The following STAG1 variants were observed in gnomAD, a reference collection of about 807,000 sequenced individuals.
STAG1 encodes the protein cohesin subunit SA-1.
A neutral mutation model predicts 170.9 loss-of-function variants in STAG1; 26 were observed. That is an observed-to-expected ratio of 0.15 (90% confidence interval 0.11 to 0.21). The LOEUF (loss-of-function observed/expected upper bound fraction) is 0.21, where lower values mean the gene tolerates loss of function less well. STAG1 is among the 10% of genes least tolerant of loss of function. STAG1 has a pLI of 1.00. For missense variants in STAG1, 964 were observed against 1,509.5 expected (o/e 0.64, Z 5.99); for synonymous variants, 514 against 497.7 (o/e 1.03, Z -0.44).
chr3:136,659,387 T>C (rs1056221147), intron 1 of STAG1, among the ~76,000 whole-genome samples: 1 of 152,196 alleles, frequency 6.6e-6, no homozygotes, highest in African/African-American at 2.4e-5. Flanking sequence ...CCCTCTTTCA[T>C]TTGCTCAATT....
At chr3:136,456,523 C>A (rs887099401) in intron 13 of STAG1, among the ~76,000 whole-genome samples, 3 of 152,090 alleles carry the variant, frequency 2.0e-5, no homozygotes, top group Non-Finnish European at 4.4e-5. Context: ...CACGTTCAAG[C>A]AAACTAACTT....
intron 10 of STAG1, among the ~76,000 whole-genome samples, chr3:136,474,071 T>C (rs750879779): frequency 6.6e-6 from 1 of 152,230 alleles, no homozygotes. Flanking sequence ...TCAATTTATA[T>C]TCCAGGGACA....
At chr3:136,393,064 G>C (rs1047732993) in intron 22 of STAG1, among the ~76,000 whole-genome samples, 3 of 152,084 alleles carry the variant, frequency 2.0e-5, no homozygotes, top group Non-Finnish European at 4.4e-5. Flanking sequence ...TGGCTGGCTT[G>C]CTCCCTCACT....
chr3:136,608,188 CAG>C, intron 3 of STAG1, among the ~76,000 whole-genome samples: 1 of 150,988 alleles, frequency 6.6e-6, no homozygotes, highest in African/African-American at 2.4e-5. Flanking sequence ...ACCTAGGAGG[CAG>C]AGAGGTTGCA....
intron 16 of STAG1, among the ~76,000 whole-genome samples, chr3:136,430,810 C>CACAA (rs1189079894): frequency 1.4e-5 from 1 of 69,528 alleles, no homozygotes; most frequent in African/African-American, 5.4e-5. Context: ...TAGACAGACA[C>CACAA]ACACACACAC....
chr3:136,614,865 AC>A (rs1182876779), intron 3 of STAG1, among the ~76,000 whole-genome samples: 1 of 152,166 alleles, frequency 6.6e-6, no homozygotes, highest in Non-Finnish European at 1.5e-5. Flanking sequence ...AATAATCCAC[AC>A]CGTATCACAA....
At chr3:136,441,313 G>T (rs995014911) in intron 15 of STAG1, among the ~76,000 whole-genome samples, 3 of 152,100 alleles carry the variant, frequency 2.0e-5, no homozygotes, top group South Asian at 4.1e-4. Context: ...GATTACAGGC[G>T]TGAGCCACCA....
chr3:136,488,127 T>A (rs1400559585), intron 9 of STAG1, among the ~76,000 whole-genome samples: 1 of 152,242 alleles, frequency 6.6e-6, no homozygotes. Flanking sequence ...CAAATGTTTT[T>A]TTGTTTGCTT....
At chr3:136,370,768 C>T (rs933813725) in intron 23 of STAG1, among the ~76,000 whole-genome samples, 1 of 152,158 alleles carries the variant, frequency 6.6e-6, no homozygotes, top group African/African-American at 2.4e-5. Context: ...CATTGTTGGA[C>T]ATTTGGGTTG....
chr3:136,586,717 C>A, intron 4 of STAG1: 4 of 328,592 alleles, frequency 1.2e-5, no homozygotes, highest in South Asian at 4.9e-5. Flanking sequence ...TTCTAATTAC[C>A]TAAAAATAAT....
intron 3 of STAG1, among the ~76,000 whole-genome samples, chr3:136,613,282 G>A (rs1388963677): frequency 9.8e-6 from 1 of 101,666 alleles, no homozygotes; most frequent in African/African-American, 3.7e-5. Flanking sequence ...TCCAGCCTGG[G>A]CAACAAAGTG....
chr3:136,543,816 A>G (rs1221610051), intron 5 of STAG1, among the ~76,000 whole-genome samples: 3 of 152,354 alleles, frequency 2.0e-5, no homozygotes, highest in East Asian at 1.9e-4. Flanking sequence ...ATTAAATGAG[A>G]TAACAAATGT....
At chr3:136,667,643 A>C (rs1325193242) in intron 1 of STAG1, among the ~76,000 whole-genome samples, 3 of 151,984 alleles carry the variant, frequency 2.0e-5, no homozygotes, top group African/African-American at 4.8e-5. Context: ...TTACAGGCAC[A>C]TGCCACCACG....
intron 6 of STAG1, among the ~76,000 whole-genome samples, chr3:136,526,971 C>A (rs937299987): frequency 1.3e-5 from 2 of 152,202 alleles, no homozygotes; most frequent in Non-Finnish European, 2.9e-5. Context: ...CACTGTTAGT[C>A]TGATGGGCTT....
chr3:136,557,745 GC>G (rs1238954887), intron 5 of STAG1, among the ~76,000 whole-genome samples: 1 of 151,878 alleles, frequency 6.6e-6, no homozygotes, highest in Non-Finnish European at 1.5e-5. Context: ...CACCATGTTG[GC>G]CAGGCCAGTC....
At chr3:136,722,190 G>A (rs932475061) in intron 1 of STAG1, among the ~76,000 whole-genome samples, 3 of 151,986 alleles carry the variant, frequency 2.0e-5, no homozygotes, top group Non-Finnish European at 4.4e-5. Flanking sequence ...ATTCCAGCCT[G>A]GGCAACAGAG....
intron 1 of STAG1, among the ~76,000 whole-genome samples, chr3:136,713,238 C>A (rs1943432187): frequency 6.6e-6 from 1 of 152,100 alleles, no homozygotes; most frequent in Non-Finnish European, 1.5e-5. Context: ...ACGGGTCCCA[C>A]AACATGGATG....
chr3:136,432,878 G>T (rs1465323834), intron 16 of STAG1, among the ~76,000 whole-genome samples: 2 of 152,190 alleles, frequency 1.3e-5, no homozygotes, highest in African/African-American at 4.8e-5. Context: ...TATCGACCAA[G>T]CATGTGGGTA....
intron 20 of STAG1, among the ~76,000 whole-genome samples, chr3:136,420,357 T>A (rs1576448569): frequency 1.3e-5 from 2 of 152,080 alleles, no homozygotes; most frequent in Non-Finnish European, 2.9e-5. Flanking sequence ...TCCCATTTTT[T>A]AAAAAACAAC....
Sources: gnomAD v4.1 joint callset for allele counts (sites outside exome capture counted in the v4.1 genomes callset) on GRCh38, gnomAD v4.1.1 for gene constraint, MANE v1.5 for transcripts, NCBI Gene and HGNC (gene_info 2026-07-23, HGNC 2026-07-21) for gene names.